The following WDFY2 variants were observed in gnomAD, a reference collection of about 807,000 sequenced individuals.
The protein encoded by WDFY2 is WD repeat and FYVE domain containing 2.
A neutral mutation model predicts 56.4 loss-of-function variants in WDFY2; 36 were observed. The ratio of observed to expected loss-of-function variants is 0.64; its 90% CI spans 0.49 to 0.84. The LOEUF is 0.84. Ranked by LOEUF, WDFY2 falls within the 40% of genes least tolerant of loss-of-function variation. The pLI is 0.00. For missense variants in WDFY2, 444 were observed against 512.2 expected (o/e 0.87, Z 1.29); for synonymous variants, 176 against 183.7 (o/e 0.96, Z 0.34).
intron 1 of WDFY2, among the ~76,000 whole-genome samples, chr13:51,636,797 G>A (rs899868071): frequency 2.0e-5 from 3 of 152,110 alleles, no homozygotes; most frequent in African/African-American, 4.8e-5. Context: ...ACGTTTATAT[G>A]GTCACTTTAT....
At chr13:51,678,375 A>G (rs879451963) in intron 3 of WDFY2, among the ~76,000 whole-genome samples, 10 of 152,234 alleles carry the variant, frequency 6.6e-5, no homozygotes, top group Admixed American at 2.0e-4. Context: ...CTAAAGTATA[A>G]ACACTATTAT....
rs749236629 is a variant in WDFY2 at position 51,762,544 on chromosome 13, G to A, written c.*2775G>A. 1 of 152,134 alleles carries A rather than the reference G, an allele frequency of 6.6e-6. No individual in the cohort carries two copies. Among genetic ancestry groups the A allele is most frequent in the South Asian group, 2.1e-4 (1 of 4,822 alleles). 9.4% of individuals were successfully genotyped at this position (152,134 alleles called of 1,614,324 possible). ...TGTTTGTAATACTGTGAATTCTTGCGTTTTGCATTAAGTGTCTCCCCCATT... is the reference window on the plus strand; with the variant it reads ...TGTTTGTAATACTGTGAATTCTTGCATTTTGCATTAAGTGTCTCCCCCATT... On this transcript the variant is annotated 3_prime_UTR_variant, in exon 12 of 12. Transcript: ENST00000298125.
At chr13:51,633,374 T>C (rs748322576) in intron 1 of WDFY2, among the ~76,000 whole-genome samples, 1 of 152,264 alleles carries the variant, frequency 6.6e-6, no homozygotes, top group Non-Finnish European at 1.5e-5. Flanking sequence ...ACTTGAGAAC[T>C]GTATAACATT....
intron 4 of WDFY2, among the ~76,000 whole-genome samples, chr13:51,716,761 G>A (rs1952361840): frequency 1.6e-5 from 2 of 127,104 alleles, no homozygotes; most frequent in African/African-American, 3.0e-5. Context: ...GAAAACTGCA[G>A]ACCAATATCT....
At chr13:51,732,622 A>C (rs911100627) in intron 6 of WDFY2, among the ~76,000 whole-genome samples, 1 of 152,258 alleles carries the variant, frequency 6.6e-6, no homozygotes, top group Admixed American at 6.5e-5. Flanking sequence ...AAACAGTGTA[A>C]CTATAACAAG....
chr13:51,694,539 G>T (rs182364916), intron 3 of WDFY2, among the ~76,000 whole-genome samples: 307 of 152,272 alleles, frequency 2.0e-3, no homozygotes, highest in East Asian at 5.4e-3. Flanking sequence ...TATAGTTTCT[G>T]CCCAGAGATC....
At chr13:51,730,841 T>A (rs1259631236) in intron 6 of WDFY2, among the ~76,000 whole-genome samples, 1 of 152,168 alleles carries the variant, frequency 6.6e-6, no homozygotes, top group Non-Finnish European at 1.5e-5. Context: ...CCAGTCACTC[T>A]TTTTTGGCAG....
intron 4 of WDFY2, among the ~76,000 whole-genome samples, chr13:51,715,323 C>T (rs1952320028): frequency 1.3e-5 from 2 of 152,118 alleles, no homozygotes; most frequent in Admixed American, 6.5e-5. Flanking sequence ...ATTTTTTCTT[C>T]ATACCTTTAT....
intron 2 of WDFY2, among the ~76,000 whole-genome samples, chr13:51,667,689 C>T (rs1955732521): frequency 6.6e-6 from 1 of 151,906 alleles, no homozygotes; most frequent in Non-Finnish European, 1.5e-5. Context: ...TTATACCTTA[C>T]TTCAAAAAAA....
At position 51,755,359 on chromosome 13, in the gene WDFY2, C is replaced by T. The variant is rs1953344398; in HGVS notation, c.833C>T (p.Thr278Ile). The T allele has an allele frequency of 2.5e-6, 4 of 1,614,188 alleles. No individual in the cohort carries two copies. Among genetic ancestry groups the T allele is most frequent in the African/African-American group, 1.3e-5 (1 of 75,052 alleles). ...CTGTTCTGTGCTTTATTTGACAAGA[C>T]CCCTGAATGGTTGGACAGTGATTCC... is the stretch of plus-strand genomic sequence containing the variant. Reference protein sequence around the residue: ...VWNMDVERQETPEWLDSDSCQ... With the variant: ...VWNMDVERQEIPEWLDSDSCQ... The change falls in exon 9 of 12, where the codon ACC becomes ATC. Residue 278 changes from threonine to isoleucine, a missense_variant and splice_region_variant. Physicochemically the swap from Thr to Ile is moderately conservative, Grantham distance 89 (BLOSUM62 -1). Coordinates refer to ENST00000298125, the MANE Select transcript of WDFY2 (RefSeq NM_052950.4).
intron 1 of WDFY2, among the ~76,000 whole-genome samples, chr13:51,655,486 CATTG>C (rs1320720612): frequency 6.6e-6 from 1 of 151,662 alleles, no homozygotes; most frequent in Non-Finnish European, 1.5e-5. Flanking sequence ...TGCCGTATCA[CATTG>C]ATTGATTTCT....
chr13:51,620,757 G>C (rs1192351437), intron 1 of WDFY2, among the ~76,000 whole-genome samples: 1 of 152,178 alleles, frequency 6.6e-6, no homozygotes, highest in Non-Finnish European at 1.5e-5. Context: ...GATGTGGCCT[G>C]TGAGGCAGTC....
intron 1 of WDFY2, among the ~76,000 whole-genome samples, chr13:51,660,112 A>G (rs1433948699): frequency 6.6e-6 from 1 of 152,228 alleles, no homozygotes; most frequent in African/African-American, 2.4e-5. Flanking sequence ...TTTAAGGAAT[A>G]TAGAATCTTT....
At chr13:51,700,518 A>G (rs1951960235) in intron 3 of WDFY2, among the ~76,000 whole-genome samples, 1 of 152,246 alleles carries the variant, frequency 6.6e-6, no homozygotes, top group African/African-American at 2.4e-5. Context: ...ATGTCTATCA[A>G]AATTTCAATG....
intron 4 of WDFY2, among the ~76,000 whole-genome samples, chr13:51,717,153 A>G (rs567101859): frequency 6.6e-6 from 1 of 152,330 alleles, no homozygotes; most frequent in Admixed American, 6.5e-5. Flanking sequence ...CTGTTAAAGA[A>G]GTATAGCCAG....
chr13:51,728,878 A>G (rs909154603), intron 6 of WDFY2, among the ~76,000 whole-genome samples: 1 of 151,534 alleles, frequency 6.6e-6, no homozygotes, highest in Non-Finnish European at 1.5e-5. Context: ...TCTGGGGGGG[A>G]CCCAGAACTG....
chr13:51,710,156 C>A lies in WDFY2; in HGVS notation c.334+6506C>A, dbSNP rs532461751. 5.3e-5 allele frequency among the ~76,000 whole-genome samples: 8 copies of A among 152,254 alleles called. No individual in the cohort carries two copies. The East Asian group carries it at 1.5e-3, about 29-fold the overall frequency. ...ACATACGCAAATCAATAAACGTAAT[C>A]CATCATATAAACAGAACCAAAGACA... On this transcript the variant is annotated intron_variant, in intron 4 of 11. Transcript: ENST00000298125.
rs1414247551 is a variant in WDFY2, at chr13:51,629,090, C to G, written c.138-31506C>G. Reference sequence around the variant, plus strand: ...AGTTTTAAGCTATGGAGAAGACAGTCTTGGAAAATGCCTATGAAACTAAGG... The same window carrying G: ...AGTTTTAAGCTATGGAGAAGACAGTGTTGGAAAATGCCTATGAAACTAAGG... On this transcript the variant is annotated intron_variant, in intron 1 of 11. Coordinates refer to ENST00000298125, the MANE Select transcript of WDFY2 (RefSeq NM_052950.4). Among the ~76,000 whole-genome samples the G allele has an allele frequency of 2.0e-5, 3 of 152,304 alleles. 1 individual carries two copies. Among genetic ancestry groups the G allele is most frequent in the African/African-American group, 7.2e-5 (3 of 41,562 alleles).
chr13:51,725,720 G>A (rs1952589813), intron 5 of WDFY2, among the ~76,000 whole-genome samples: 2 of 149,502 alleles, frequency 1.3e-5, no homozygotes, highest in Non-Finnish European at 3.0e-5. Context: ...TTAAGACAGG[G>A]TCTCACTGTG....
Sources: allele counts gnomAD v4.1 joint callset (sites outside exome capture counted in the v4.1 genomes callset), GRCh38; gene constraint gnomAD v4.1.1; transcripts MANE v1.5; gene names NCBI Gene and HGNC (gene_info 2026-07-23, HGNC 2026-07-21).